The following ABCC4 variants were observed in gnomAD, a reference collection of about 807,000 sequenced individuals.
ABCC4 encodes ATP binding cassette subfamily C member 4 (PEL blood group).
ABCC4 carries 102 observed loss-of-function variants against 168.5 expected under a neutral mutation model. The observed-to-expected ratio is 0.61, with a 90% CI of 0.52 to 0.71. ABCC4 has a LOEUF of 0.71. Among genes scored for constraint, ABCC4 ranks in the 30% least tolerant of loss-of-function variants. The pLI, the probability that ABCC4 is intolerant of heterozygous loss-of-function variation, is 0.00. For synonymous variants in ABCC4, 617 were observed against 590.7 expected (o/e 1.04, Z -0.65); for missense variants, 1,402 against 1,605.8 (o/e 0.87, Z 2.17).
At chr13:95,196,224 A>G (rs989482518) in intron 8 of ABCC4, among the ~76,000 whole-genome samples, 1 of 152,000 alleles carries the variant, frequency 6.6e-6, no homozygotes, top group African/African-American at 2.4e-5. Flanking sequence ...TGTGGCAAAA[A>G]CTGTCAGCTC....
intron 15 of ABCC4, among the ~76,000 whole-genome samples, chr13:95,164,806 T>C (rs1566481540): frequency 6.6e-6 from 1 of 152,188 alleles, no homozygotes; most frequent in Non-Finnish European, 1.5e-5. Context: ...GCAATTATCC[T>C]GCCTCAGCCT....
At chr13:95,177,967 C>A in intron 12 of ABCC4, 30 bp downstream of exon 12, 1 of 1,608,078 alleles carries the variant, frequency 6.2e-7, no homozygotes. Context: ...CAAAAGACAC[C>A]GGCATAGTGG....
At chr13:95,042,125 T>C (rs1388662180) in intron 29 of ABCC4, among the ~76,000 whole-genome samples, 1 of 152,114 alleles carries the variant, frequency 6.6e-6, no homozygotes, top group Non-Finnish European at 1.5e-5. Context: ...CATGTTGAAA[T>C]GCAAGGTCAT....
At chr13:95,043,835 G>T in intron 28 of ABCC4, 48 bp from the exon 29 acceptor site, 1 of 1,313,406 alleles carries the variant, frequency 7.6e-7, no homozygotes, top group Non-Finnish European at 1.1e-6. Flanking sequence ...GCAAAAAGTA[G>T]ACTTAAGACT....
intron 30 of ABCC4, 37 bp from the exon 31 acceptor site, chr13:95,021,719 C>G (rs1485987036): frequency 6.8e-7 from 1 of 1,479,936 alleles, no homozygotes; most frequent in Non-Finnish European, 9.3e-7. Flanking sequence ...AAGAATGTTT[C>G]AAAATTTTAA....
intron 21 of ABCC4, among the ~76,000 whole-genome samples, chr13:95,080,703 C>T (rs1241738040): frequency 6.6e-6 from 1 of 152,128 alleles, no homozygotes; most frequent in African/African-American, 2.4e-5. Context: ...GAACTCTCGA[C>T]CTCAAGTGAT....
intron 20 of ABCC4, among the ~76,000 whole-genome samples, chr13:95,091,791 C>T (rs1393411824): frequency 2.0e-5 from 3 of 151,964 alleles, no homozygotes; most frequent in Non-Finnish European, 4.4e-5. Flanking sequence ...CAACAAACAG[C>T]GCGATGAATA....
intron 27 of ABCC4, among the ~76,000 whole-genome samples, chr13:95,046,316 A>G (rs2032577673): frequency 6.6e-6 from 1 of 152,188 alleles, no homozygotes; most frequent in Admixed American, 6.5e-5. Flanking sequence ...GGGCCAACCC[A>G]TCATTCTTCT....
At chr13:95,261,850 C>T (rs571839447) in intron 1 of ABCC4, among the ~76,000 whole-genome samples, 4 of 151,840 alleles carry the variant, frequency 2.6e-5, no homozygotes, top group Admixed American at 6.6e-5. Flanking sequence ...ATAATACCAG[C>T]GCTTTGGGAG....
intron 19 of ABCC4, among the ~76,000 whole-genome samples, chr13:95,142,596 T>G (rs2036355260): frequency 6.6e-6 from 1 of 151,722 alleles, no homozygotes; most frequent in Non-Finnish European, 1.5e-5. Context: ...AAAAAAAAAT[T>G]TTTAAATTTA....
intron 20 of ABCC4, among the ~76,000 whole-genome samples, chr13:95,106,330 C>A (rs1460129250): frequency 1.3e-5 from 2 of 150,714 alleles, no homozygotes; most frequent in African/African-American, 2.5e-5. Flanking sequence ...GGGGTATGTG[C>A]GTGTGTGTGC....
intron 20 of ABCC4, among the ~76,000 whole-genome samples, chr13:95,111,094 A>T (rs1489944117): frequency 6.6e-6 from 1 of 152,158 alleles, no homozygotes; most frequent in African/African-American, 2.4e-5. Flanking sequence ...CAAACATACT[A>T]TGTTTTGAAT....
In ABCC4 at chr13:95,233,447, T is replaced by C. The variant is rs558662582; in HGVS notation, c.531+1163A>G. ...CTCACTTATAAGTGGGAGGTAATCA[T>C]TGGGTACAGATGGACATAAAGATGA... On this transcript the variant is annotated intron_variant, in intron 4 of 30. Coordinates refer to ENST00000645237, the MANE Select transcript of ABCC4 (RefSeq NM_005845.5). Among the ~76,000 whole-genome samples the C allele has an allele frequency of 4.6e-5, 7 of 152,014 alleles. No homozygotes were observed. The East Asian group carries it at 5.8e-4, about 13-fold the overall frequency.
intron 5 of ABCC4, 53 bp downstream of exon 5, chr13:95,210,639 G>T: frequency 7.0e-7 from 1 of 1,435,218 alleles, no homozygotes; most frequent in Non-Finnish European, 9.8e-7. Context: ...AGAATAAAAG[G>T]GGAAAGAGGG....
chr13:95,160,514 C>G (rs116267926), intron 19 of ABCC4, among the ~76,000 whole-genome samples: 4,352 of 152,162 alleles, frequency 0.029, 183 homozygotes, highest in African/African-American at 0.094. Flanking sequence ...TTGGGTATAC[C>G]TAGGAAACAA....
chr13:95,221,753 G>A (rs139274656), intron 4 of ABCC4, among the ~76,000 whole-genome samples: 9 of 151,246 alleles, frequency 6.0e-5, no homozygotes, highest in African/African-American at 2.2e-4. Context: ...TAGAAAAAAG[G>A]AAAAAACAGA....
chr13:95,050,096 G>C (rs1203093175), intron 27 of ABCC4, among the ~76,000 whole-genome samples: 13 of 152,220 alleles, frequency 8.5e-5, no homozygotes, highest in Admixed American at 8.5e-4. Context: ...GAATGTGACA[G>C]AGAAGTCCAG....
chr13:95,212,610 A>G (rs1566533246), intron 4 of ABCC4, among the ~76,000 whole-genome samples: 1 of 152,148 alleles, frequency 6.6e-6, no homozygotes, highest in African/African-American at 2.4e-5. Flanking sequence ...GAAAAAGACA[A>G]AGTTCTTCTG....
intron 30 of ABCC4, among the ~76,000 whole-genome samples, chr13:95,023,783 T>C (rs2031234264): frequency 6.6e-6 from 1 of 152,212 alleles, no homozygotes; most frequent in African/African-American, 2.4e-5. Flanking sequence ...GCATCTTTTA[T>C]CTTTACAGAA....
Sources: allele counts gnomAD v4.1 joint callset (sites outside exome capture counted in the v4.1 genomes callset), GRCh38; gene constraint gnomAD v4.1.1; transcripts MANE v1.5; gene names NCBI Gene and HGNC (gene_info 2026-07-23, HGNC 2026-07-21).